Variants in SEPTIN7 observed in about 807,000 individuals in gnomAD.
The protein encoded by SEPTIN7 is septin 7, also known as septin-7.
Under a neutral mutation model 63.3 loss-of-function variants are expected in SEPTIN7, and 10 were observed. That is an observed-to-expected ratio of 0.16 (90% CI 0.10 to 0.27). The LOEUF is 0.27. SEPTIN7 is among the 10% of genes least tolerant of loss of function. The pLI is 1.00. For missense variants in SEPTIN7, 310 were observed against 521.0 expected, an observed-to-expected ratio of 0.59 and a Z score of 3.94; for synonymous variants, 131 against 165.3, an observed-to-expected ratio of 0.79 and a Z score of 1.59.
chr7:35,844,278 T>G (rs1272914488), intron 3 of SEPTIN7, among the ~76,000 whole-genome samples: 1 of 152,240 alleles, frequency 6.6e-6, no homozygotes, highest in African/African-American at 2.4e-5. Flanking sequence ...TTTAGATTTA[T>G]GTGGTAACTT....
chr7:35,890,942 T>C (rs1437521387), intron 11 of SEPTIN7, 149 bp downstream of exon 11: 1 of 642,206 alleles, frequency 1.6e-6, no homozygotes, highest in East Asian at 3.5e-5. Context: ...ATTGTTATGC[T>C]TTGTTAATAG....
At chr7:35,863,194 G>T (rs1182494308) in intron 3 of SEPTIN7, among the ~76,000 whole-genome samples, 1 of 151,978 alleles carries the variant, frequency 6.6e-6, no homozygotes. Context: ...TATTAGTAAA[G>T]AAAAACTTTA....
chr7:35,875,552 C>A (rs1786421567), intron 6 of SEPTIN7, among the ~76,000 whole-genome samples: 1 of 152,144 alleles, frequency 6.6e-6, no homozygotes, highest in Non-Finnish European at 1.5e-5. Context: ...GTGCCTCCTA[C>A]CTCCCTCTAC....
chr7:35,913,528 TTTCC>T, the SEPTIN7 span, among the ~76,000 whole-genome samples: 4 of 148,974 alleles, frequency 2.7e-5, no homozygotes, highest in African/African-American at 5.0e-5. Context: ...TCCTTCTTTC[TTTCC>T]TTCCTTCCTT....
intron 11 of SEPTIN7, among the ~76,000 whole-genome samples, chr7:35,897,497 A>G (rs1416579062): frequency 6.6e-6 from 1 of 151,722 alleles, no homozygotes; most frequent in African/African-American, 2.4e-5. Flanking sequence ...CTTCAACGTC[A>G]ACAGAGTGAA....
the SEPTIN7 span, among the ~76,000 whole-genome samples, chr7:35,914,802 A>C: frequency 2.6e-5 from 4 of 151,864 alleles, no homozygotes; most frequent in Admixed American, 1.3e-4. Context: ...TTCTCTCTCT[A>C]TATATGCATA....
chr7:35,888,069 A>G (rs1253922318), intron 10 of SEPTIN7, among the ~76,000 whole-genome samples: 2 of 152,224 alleles, frequency 1.3e-5, no homozygotes, highest in African/African-American at 2.4e-5. Context: ...GAGGAAAACT[A>G]TACAAATATT....
At chr7:35,802,428 A>C (rs1201850920) in intron 1 of SEPTIN7, among the ~76,000 whole-genome samples, 1 of 152,146 alleles carries the variant, frequency 6.6e-6, no homozygotes, top group East Asian at 1.9e-4. Context: ...AACTTACTAC[A>C]TTTCTTGAGT....
intron 10 of SEPTIN7, among the ~76,000 whole-genome samples, chr7:35,888,050 G>C (rs763621688): frequency 3.9e-5 from 6 of 152,186 alleles, no homozygotes; most frequent in Non-Finnish European, 8.8e-5. Context: ...CAAGGAAGAC[G>C]ATGGAAAGGA....
intron 3 of SEPTIN7, among the ~76,000 whole-genome samples, chr7:35,845,325 T>A (rs1441658099): frequency 6.6e-6 from 1 of 151,900 alleles, no homozygotes; most frequent in East Asian, 1.9e-4. Context: ...ATGACTTAGT[T>A]TTAAGATCCA....
intron 3 of SEPTIN7, among the ~76,000 whole-genome samples, chr7:35,836,754 A>G (rs1265506202): frequency 6.6e-6 from 1 of 152,194 alleles, no homozygotes; most frequent in Non-Finnish European, 1.5e-5. Flanking sequence ...TAACATCTAT[A>G]TCAGTTTATC....
At chr7:35,900,681 G>A (rs1162157515) in intron 12 of SEPTIN7, 1 of 152,194 alleles carries the variant, frequency 6.6e-6, no homozygotes, top group Non-Finnish European at 1.5e-5. Context: ...ATTTGAGGCA[G>A]ATGTATTTTA....
At chr7:35,824,747 A>G (rs150779514) in intron 1 of SEPTIN7, among the ~76,000 whole-genome samples, 376 of 152,356 alleles carry the variant, frequency 2.5e-3, no homozygotes, top group Non-Finnish European at 4.0e-3. Flanking sequence ...TGCAAGCCAC[A>G]TATGTAATTA....
At chr7:35,903,355 GATAA>G (rs959093490) in intron 13 of SEPTIN7, 140 bp downstream of exon 13, 27 of 1,345,420 alleles carry the variant, frequency 2.0e-5, no homozygotes, top group African/African-American at 3.0e-5. Flanking sequence ...GGTTTTCATA[GATAA>G]ATATTTTTAT....
chr7:35,806,180 G>A (rs1250144210), intron 1 of SEPTIN7, among the ~76,000 whole-genome samples: 1 of 152,168 alleles, frequency 6.6e-6, no homozygotes, highest in Non-Finnish European at 1.5e-5. Context: ...GTGGGAGACG[G>A]GGAAGAAGGA....
intron 1 of SEPTIN7, among the ~76,000 whole-genome samples, chr7:35,827,024 C>T (rs76012521): frequency 0.016 from 2,484 of 152,048 alleles, 67 homozygotes; most frequent in African/African-American, 0.057. Context: ...ACTAAGTTAC[C>T]GGATATTGTA....
chr7:35,885,947 CT>C, intron 10 of SEPTIN7, 68 bp downstream of exon 10: 1 of 1,094,504 alleles, frequency 9.1e-7, no homozygotes, highest in Non-Finnish European at 1.4e-6. Flanking sequence ...GACAGATTTA[CT>C]TTTTGCCTTC....
At chr7:35,810,516 G>T (rs1243476630) in intron 1 of SEPTIN7, among the ~76,000 whole-genome samples, 1 of 151,864 alleles carries the variant, frequency 6.6e-6, no homozygotes. Context: ...GTAGAGCCTG[G>T]GTTTCACCGT....
chr7:35,841,791 C>T (rs1784418333), intron 3 of SEPTIN7, among the ~76,000 whole-genome samples: 1 of 152,180 alleles, frequency 6.6e-6, no homozygotes, highest in Non-Finnish European at 1.5e-5. Context: ...GTAATTCTCA[C>T]ATAGAAGACT....
Sources: gnomAD v4.1 joint callset for allele counts (sites outside exome capture counted in the v4.1 genomes callset) on GRCh38, gnomAD v4.1.1 for gene constraint, MANE v1.5 for transcripts, NCBI Gene and HGNC (gene_info 2026-07-23, HGNC 2026-07-21) for gene names.